Variants in PCDHGA2 observed in about 807,000 individuals in gnomAD.
The protein encoded by PCDHGA2 is protocadherin gamma-A2.
In PCDHGA2, 40 loss-of-function variants were observed where a neutral mutation model predicts 59.2. The observed-to-expected ratio is 0.68, with a 90% CI of 0.52 to 0.88. PCDHGA2 has a LOEUF of 0.88. PCDHGA2 is among the 40% of genes least tolerant of loss of function. The pLI is 0.00. For missense variants in PCDHGA2, 1,226 were observed against 1,204.0 expected (o/e 1.02, Z -0.27); for synonymous variants, 560 against 526.0 (o/e 1.06, Z -0.89).
chr5:141,479,328 G>A (rs568506786), intron 1 of PCDHGA2: 1 of 152,654 alleles, frequency 6.6e-6, no homozygotes, highest in East Asian at 1.9e-4. Flanking sequence ...CAGACTCAGT[G>A]GTGTGCACCT....
Position 141,339,307 on chromosome 5 carries a change from T to C in PCDHGA2, c.336T>C (p.Asp112=), listed in dbSNP as rs760608147. ...TGAATTTTAACATTCTGCTGGAGGA[T>C]AAATTGACTATTTATTCAGTAGAGG... ...CLLNFNILLE[D]KLTIYSVEVE... Residue 112 remains aspartate (D), a synonymous_variant, in exon 1 of 4, where the codon GAT becomes GAC. Transcript: ENST00000394576. 3 of 1,614,156 alleles carry C rather than the reference T, an allele frequency of 1.9e-6. No individual in the cohort carries two copies. The highest frequency in any genetic ancestry group is 2.5e-6 in the Non-Finnish European group (3 of 1,180,054).
At chr5:141,412,367 A>C (rs1055060515) in intron 1 of PCDHGA2, 3 of 152,264 alleles carry the variant, frequency 2.0e-5, no homozygotes, top group Admixed American at 6.5e-5. Flanking sequence ...TTACCTGCTT[A>C]ATCATTTAAA....
intron 1 of PCDHGA2, chr5:141,400,182 G>C (rs754765633): frequency 3.7e-6 from 6 of 1,614,072 alleles, no homozygotes; most frequent in Non-Finnish European, 5.1e-6. Flanking sequence ...CTGAGCTGCA[G>C]TTTTACCTAG....
chr5:141,404,738 A>C (rs1361110725), intron 1 of PCDHGA2: 24 of 1,613,674 alleles, frequency 1.5e-5, no homozygotes, highest in Non-Finnish European at 1.9e-5. Flanking sequence ...GGCAGTGGAC[A>C]GAGACTCAGG....
At chr5:141,394,057 T>C (rs1318938543) in intron 1 of PCDHGA2, 1 of 1,613,750 alleles carries the variant, frequency 6.2e-7, no homozygotes, top group East Asian at 2.2e-5. Flanking sequence ...CGAGAAAATG[T>C]CTCTATCTAC....
intron 1 of PCDHGA2, chr5:141,410,849 C>CTTTTTTTTTCTTTTTTTTTTT (rs2095433801): frequency 7.7e-6 from 1 of 129,786 alleles, no homozygotes; most frequent in Non-Finnish European, 1.3e-5. Context: ...TTGTCTTTGT[C>CTTTTTTTTTCTTTTTTTTTTT]TTTTTTTTTT....
At chr5:141,422,040 C>T (rs1045003805) in intron 1 of PCDHGA2, 10 of 1,611,324 alleles carry the variant, frequency 6.2e-6, no homozygotes, top group African/African-American at 4.0e-5. Context: ...CGGATCCAGA[C>T]GAGGGAATCA....
chr5:141,381,826 C>CTTTTTTTTTTTT (rs770630741), intron 1 of PCDHGA2, among the ~76,000 whole-genome samples: 14 of 74,282 alleles, frequency 1.9e-4, no homozygotes, highest in Admixed American at 5.8e-4. Context: ...CTTTCTTCTT[C>CTTTTTTTTTTTT]TTTTTTTTTT....
In PCDHGA2 at chr5:141,453,101, TTTTTG is replaced by T. The variant is rs879618609; in HGVS notation, c.2425-41681_2425-41677del. ...GTTGATTAGTATATTTTCTGTTGCT[TTTTTG>T]TTTTGTTTTGTTTTGTTTTGTTTTT... On this transcript the variant is annotated intron_variant, in intron 1 of 3. Transcript: ENST00000394576. 4.4e-4 allele frequency among the ~76,000 whole-genome samples: 67 copies of T among 152,130 alleles called. 1 individual carries two copies. Among genetic ancestry groups the T allele is most frequent in the African/African-American group, 1.4e-3 (58 of 41,484 alleles).
Position 141,410,405 on chromosome 5 carries a change from T to C in PCDHGA2, c.2424+69010T>C, listed in dbSNP as rs777544150. ...CTTCCATCCTGGTCTCTGTGTCAAGTCTGGACCTGTAGTTCCCCCCAACTA... is the reference window on the plus strand; with the variant it reads ...CTTCCATCCTGGTCTCTGTGTCAAGCCTGGACCTGTAGTTCCCCCCAACTA... On this transcript the variant is annotated intron_variant, in intron 1 of 3. Transcript: ENST00000394576. 2.2e-5 allele frequency: 35 copies of C among 1,613,948 alleles called. 1 individual carries two copies. In the East Asian group the frequency reaches 7.8e-4, roughly 36 times the overall value.
intron 1 of PCDHGA2, among the ~76,000 whole-genome samples, chr5:141,433,397 A>ATCTATCTG (rs1554126017): frequency 5.3e-5 from 8 of 150,410 alleles, no homozygotes; most frequent in Non-Finnish European, 1.2e-4. Context: ...CTATCTATCT[A>ATCTATCTG]TCTATCTATT....
At chr5:141,372,450 G>A in intron 1 of PCDHGA2, 1 of 1,614,034 alleles carries the variant, frequency 6.2e-7, no homozygotes, top group South Asian at 1.1e-5. Flanking sequence ...TGACCCTCAG[G>A]CGGAGCTACA....
intron 1 of PCDHGA2, chr5:141,409,493 CCT>C (rs1312265786): frequency 6.2e-6 from 10 of 1,614,012 alleles, no homozygotes; most frequent in Non-Finnish European, 7.6e-6. Context: ...GGGCAAGCCG[CCT>C]CTTTCTTCCA....
At chr5:141,410,561 G>A (rs201832666) in intron 1 of PCDHGA2, 1 of 1,612,698 alleles carries the variant, frequency 6.2e-7, no homozygotes, top group Non-Finnish European at 8.5e-7. Flanking sequence ...TTCTCCTGGA[G>A]CCTTAATTCC....
intron 1 of PCDHGA2, chr5:141,421,450 C>A (rs1193440607): frequency 2.5e-6 from 4 of 1,614,126 alleles, no homozygotes; most frequent in Non-Finnish European, 3.4e-6. Flanking sequence ...GAAGACACAG[C>A]TTTTCGCTGT....
Position 141,432,492 on chromosome 5 carries a change from C to G in PCDHGA2, c.2425-62315C>G. The G allele has an allele frequency of 6.2e-7, 1 of 1,614,168 alleles. No individual in the cohort carries two copies. The highest frequency in any genetic ancestry group is 8.5e-7 in the Non-Finnish European group (1 of 1,180,040). On this transcript the variant is annotated intron_variant, in intron 1 of 3. Transcript: ENST00000394576. This position sits in a 1 kb window ranked among gnomAD's most constrained non-coding sequence, Gnocchi z 6.0. Reference sequence around the variant, plus strand: ...GACGGTTCCACTGGCGTGGAGCTGGCTCCCCGCTCCGCAGAGCCCGGCTAC... The same window carrying G: ...GACGGTTCCACTGGCGTGGAGCTGGGTCCCCGCTCCGCAGAGCCCGGCTAC...
intron 1 of PCDHGA2, chr5:141,433,126 G>A (rs1390613447): frequency 1.9e-6 from 3 of 1,614,120 alleles, no homozygotes; most frequent in Middle Eastern, 1.7e-4. Flanking sequence ...AAAAAAGCGA[G>A]CCCCTTTTGC....
intron 1 of PCDHGA2, chr5:141,421,898 A>T: frequency 6.2e-7 from 1 of 1,613,736 alleles, no homozygotes; most frequent in Non-Finnish European, 8.5e-7. Flanking sequence ...CCCATCCGAA[A>T]GGGCGCAGTT....
rs1309124846 is a variant in PCDHGA2, at chr5:141,491,295, T to C, written c.2425-3512T>C. On this transcript the variant is annotated intron_variant, in intron 1 of 3. Coordinates refer to ENST00000394576, the MANE Select transcript of PCDHGA2 (RefSeq NM_018915.4). This position sits in a 1 kb window ranked among gnomAD's most constrained non-coding sequence, Gnocchi z 6.9. ...CCAGTGACTTCCTCATACACCCTCC[T>C]GAGCGTTCAGACCTTACCCTTTACC... The C allele has an allele frequency of 6.2e-7, 1 of 1,614,176 alleles. No homozygotes were observed. Among genetic ancestry groups the C allele is most frequent in the Non-Finnish European group, 8.5e-7 (1 of 1,179,994 alleles).
Sources: allele counts gnomAD v4.1 joint callset (sites outside exome capture counted in the v4.1 genomes callset), GRCh38; gene constraint gnomAD v4.1.1; non-coding constraint Gnocchi (gnomAD v3.1); transcripts MANE v1.5; gene names NCBI Gene and HGNC (gene_info 2026-07-23, HGNC 2026-07-21).